The following RBFOX3 variants were observed in gnomAD, a reference collection of about 807,000 sequenced individuals.
RBFOX3 encodes the protein RNA binding protein fox-1 homolog 3.
Under a neutral mutation model 48.7 loss-of-function variants are expected in RBFOX3, and 17 were observed. That is an observed-to-expected ratio of 0.35 (90% CI 0.24 to 0.52). The LOEUF is 0.52. Among genes scored for constraint, RBFOX3 ranks in the 20% least tolerant of loss-of-function variants. The pLI is 0.94. For synonymous variants in RBFOX3, 212 were observed against 209.5 expected (o/e 1.01, Z -0.10); for missense variants, 382 against 497.5 (o/e 0.77, Z 2.21).
intron 4 of RBFOX3, among the ~76,000 whole-genome samples, chr17:79,185,896 G>A (rs1237717172): frequency 1.3e-5 from 2 of 152,212 alleles, no homozygotes; most frequent in Non-Finnish European, 2.9e-5. Flanking sequence ...CCTGGAGTGA[G>A]CACACCGTCT....
the RBFOX3 span, among the ~76,000 whole-genome samples, chr17:79,644,567 A>G: frequency 6.6e-6 from 1 of 152,336 alleles, no homozygotes; most frequent in East Asian, 1.9e-4. Flanking sequence ...TACGTAATCA[A>G]TACTTAAAGA....
At position 79,152,415 on chromosome 17, in the gene RBFOX3, C is replaced by T. The variant is rs559774251; in HGVS notation, c.-33-36667G>A. On this transcript the variant is annotated intron_variant, in intron 4 of 14. Coordinates refer to ENST00000693108, the MANE Select transcript of RBFOX3 (RefSeq NM_001350451.2). ...AGAGAGTCATAGGAGCAGTGCGGGC[C>T]GCAGCCGAGGCAAGGAAGCAACCTC... 2.9e-4 allele frequency among the ~76,000 whole-genome samples: 44 copies of T among 152,060 alleles called. No homozygotes were observed. The East Asian group carries it at 6.2e-3, about 22-fold the overall frequency.
Position 79,442,360 on chromosome 17 carries a change from GGGGAGAGAGAGAGAGAGA to G in RBFOX3, c.-175+40076_-175+40093del, listed in dbSNP as rs1482499363. 1.6e-3 allele frequency among the ~76,000 whole-genome samples: 49 copies of G among 31,394 alleles called. 9 individuals are homozygous for G. The highest frequency in any genetic ancestry group is 4.6e-3 in the African/African-American group (30 of 6,546). 20.6% of individuals were successfully genotyped at this position (31,394 alleles called of 152,430 possible). ...GGGAGGGAGGGAGGGAGGAAGAGGG[GGGGAGAGAGAGAGAGAGA>G]GAGAGAGAGAGAGAGAGAGAGAGAA... On this transcript the variant is annotated intron_variant, in intron 2 of 14. Coordinates refer to ENST00000693108, the MANE Select transcript of RBFOX3 (RefSeq NM_001350451.2).
chr17:79,109,188 G>T (rs2078025923), intron 5 of RBFOX3, among the ~76,000 whole-genome samples: 1 of 152,222 alleles, frequency 6.6e-6, no homozygotes, highest in South Asian at 2.1e-4. Flanking sequence ...CTCTCGGAGG[G>T]CATGAGCCCC....
intron 4 of RBFOX3, among the ~76,000 whole-genome samples, chr17:79,123,680 C>T (rs887014858): frequency 2.0e-5 from 3 of 152,286 alleles, no homozygotes; most frequent in African/African-American, 7.2e-5. Context: ...CATCGAATCC[C>T]CACAAGCCTG....
intron 3 of RBFOX3, among the ~76,000 whole-genome samples, chr17:79,278,181 C>T (rs943925816): frequency 1.3e-5 from 2 of 152,040 alleles, no homozygotes; most frequent in African/African-American, 4.8e-5. Context: ...GGGTCCAGTC[C>T]TGGGAGAGGC....
intron 4 of RBFOX3, among the ~76,000 whole-genome samples, chr17:79,143,389 G>GTC (rs2042332841): frequency 7.8e-6 from 1 of 128,466 alleles, no homozygotes; most frequent in Admixed American, 8.1e-5. Context: ...GTGGGGGGGG[G>GTC]TTCTATAAAT....
At chr17:79,109,443 G>A (rs1204007253) in intron 5 of RBFOX3, among the ~76,000 whole-genome samples, 1 of 152,248 alleles carries the variant, frequency 6.6e-6, no homozygotes, top group Non-Finnish European at 1.5e-5. Flanking sequence ...TCCAAGCCTG[G>A]GGAACTGGAG....
chr17:79,535,629 C>A lies in RBFOX3; in HGVS notation c.-319-53031G>T, dbSNP rs12944984. 6.6e-6 allele frequency among the ~76,000 whole-genome samples: 1 copy of A among 152,018 alleles called. No homozygotes were observed. The highest frequency in any genetic ancestry group is 2.4e-5 in the African/African-American group (1 of 41,342). ...GGTCCTGGCCAGACCACATTCTGGGCGGACAAGGCAGGATAGCCAGCCCAC... is the reference window on the plus strand; with the variant it reads ...GGTCCTGGCCAGACCACATTCTGGGAGGACAAGGCAGGATAGCCAGCCCAC... On this transcript the variant is annotated intron_variant, in intron 1 of 14. Coordinates refer to ENST00000693108, the MANE Select transcript of RBFOX3 (RefSeq NM_001350451.2). This position sits in a 1 kb window ranked among gnomAD's most constrained non-coding sequence, Gnocchi z 4.5.
At chr17:79,131,283 G>A (rs1234762955) in intron 4 of RBFOX3, among the ~76,000 whole-genome samples, 2 of 151,682 alleles carry the variant, frequency 1.3e-5, no homozygotes, top group Admixed American at 1.3e-4. Flanking sequence ...TGTGCCCTCC[G>A]TGTGTATTCC....
chr17:79,246,755 CAG>C (rs938865211), intron 3 of RBFOX3, among the ~76,000 whole-genome samples: 20 of 152,292 alleles, frequency 1.3e-4, no homozygotes, highest in African/African-American at 4.3e-4. Flanking sequence ...CACCTCTCTG[CAG>C]AGAGGGATGT....
rs1358273257 is a variant in RBFOX3, at chr17:79,390,488, T to C, written c.-174-82664A>G. 6.6e-6 allele frequency among the ~76,000 whole-genome samples: 1 copy of C among 151,988 alleles called. No individual in the cohort carries two copies. Among genetic ancestry groups the C allele is most frequent in the South Asian group, 2.1e-4 (1 of 4,824 alleles). The stretch of plus-strand genomic sequence containing the variant: ...GTCTTTGCGCCACTGCTTTTTTTTT[T>C]TTTTTTTAGATGGAGTCTCGCTCTT... On this transcript the variant is annotated intron_variant, in intron 2 of 14. Coordinates refer to ENST00000693108, the MANE Select transcript of RBFOX3 (RefSeq NM_001350451.2). This position sits in a 1 kb window ranked among gnomAD's most constrained non-coding sequence, Gnocchi z 4.2.
At chr17:79,350,272 T>A (rs1195701380) in intron 2 of RBFOX3, among the ~76,000 whole-genome samples, 1 of 152,174 alleles carries the variant, frequency 6.6e-6, no homozygotes, top group Non-Finnish European at 1.5e-5. Flanking sequence ...GGGGCTTCTG[T>A]CTGCTGCTGT....
intron 4 of RBFOX3, among the ~76,000 whole-genome samples, chr17:79,193,597 T>C (rs1255677427): frequency 6.6e-6 from 1 of 152,208 alleles, no homozygotes; most frequent in Non-Finnish European, 1.5e-5. Flanking sequence ...GATGCAGTGG[T>C]TAAAAATTAA....
At chr17:79,322,216 G>C (rs2078632483) in intron 2 of RBFOX3, among the ~76,000 whole-genome samples, 1 of 151,720 alleles carries the variant, frequency 6.6e-6, no homozygotes, top group Non-Finnish European at 1.5e-5. Flanking sequence ...AAAAATACAG[G>C]GGGGTGGGTG....
At chr17:79,657,691 C>T in the RBFOX3 span, among the ~76,000 whole-genome samples, 1 of 152,154 alleles carries the variant, frequency 6.6e-6, no homozygotes, top group African/African-American at 2.4e-5. Context: ...AAATGAAGAA[C>T]AGAGCTGGAC....
At chr17:79,549,009 G>A (rs1408178026) in intron 1 of RBFOX3, among the ~76,000 whole-genome samples, 7 of 152,230 alleles carry the variant, frequency 4.6e-5, no homozygotes, top group Non-Finnish European at 1.5e-5. Context: ...GTGAGGTGGT[G>A]GAATTGTGGT....
At position 79,256,958 on chromosome 17, in the gene RBFOX3, A is replaced by C. The variant is rs1030628130; in HGVS notation, c.-73-21153T>G. Among the ~76,000 whole-genome samples the C allele has an allele frequency of 6.9e-3, 1,006 of 146,710 alleles. 12 individuals carry two copies. The highest frequency in any genetic ancestry group is 0.023 in the African/African-American group (886 of 39,348). On this transcript the variant is annotated intron_variant, in intron 3 of 14. Transcript: ENST00000693108. ...ACAAACAAAACAAAACAAAAAAAAAACAAAAAAAAGAAAAAGAAAAGGAAA... is the reference window on the plus strand; with the variant it reads ...ACAAACAAAACAAAACAAAAAAAAACCAAAAAAAAGAAAAAGAAAAGGAAA...
At chr17:79,278,534 G>A (rs1390309724) in intron 3 of RBFOX3, among the ~76,000 whole-genome samples, 1 of 92,192 alleles carries the variant, frequency 1.1e-5, no homozygotes, top group East Asian at 3.2e-4. Context: ...GTGAGGTGGG[G>A]AACCAGGGAG....
Sources: allele counts gnomAD v4.1 joint callset (sites outside exome capture counted in the v4.1 genomes callset), GRCh38; gene constraint gnomAD v4.1.1; non-coding constraint Gnocchi (gnomAD v3.1); transcripts MANE v1.5; gene names NCBI Gene and HGNC (gene_info 2026-07-23, HGNC 2026-07-21).